Variants in UQCR11 observed in about 807,000 individuals in gnomAD.
UQCR11 encodes ubiquinol-cytochrome c reductase, complex III subunit XI.
In UQCR11, 10 loss-of-function variants were observed where a neutral mutation model predicts 7.6. The observed-to-expected ratio is 1.31, with a 90% confidence interval of 0.81 to 2.22. The LOEUF (loss-of-function observed/expected upper bound fraction) is 2.22. Ranked by LOEUF, UQCR11 falls within the 30% of genes most tolerant of loss-of-function variation. The pLI, the probability that UQCR11 is intolerant of heterozygous loss-of-function variation, is 0.00. For missense variants in UQCR11, 86 were observed against 75.1 expected (o/e 1.15, Z -0.54); for synonymous variants, 34 against 34.9 (o/e 0.97, Z 0.09).
intron 1 of UQCR11, among the ~76,000 whole-genome samples, chr19:1,603,601 C>T (rs777900769): frequency 5.9e-5 from 9 of 152,116 alleles, no homozygotes; most frequent in African/African-American, 9.6e-5. Flanking sequence ...AGCAAGACTC[C>T]GTCTCTAAAT....
chr19:1,603,581 G>A (rs978335675), intron 1 of UQCR11, among the ~76,000 whole-genome samples: 8 of 152,182 alleles, frequency 5.3e-5, no homozygotes, highest in South Asian at 2.1e-4. Context: ...CACTCCAGCC[G>A]GGGCGACAGA....
intron 2 of UQCR11, chr19:1,599,005 G>A (rs1049834076): frequency 3.4e-5 from 6 of 178,514 alleles, no homozygotes; most frequent in Admixed American, 1.1e-4. Context: ...AGAAACACGT[G>A]GATGCGTCCA....
intron 1 of UQCR11, among the ~76,000 whole-genome samples, chr19:1,601,564 G>T (rs2060747139): frequency 7.1e-6 from 1 of 141,282 alleles, no homozygotes; most frequent in Admixed American, 7.6e-5. Context: ...TCATGCCATT[G>T]TACTCCAGCC....
intron 2 of UQCR11, 192 bp downstream of exon 2, chr19:1,599,220 G>T: frequency 1.5e-6 from 1 of 648,662 alleles, no homozygotes; most frequent in Non-Finnish European, 2.5e-6. Flanking sequence ...ACCCAAGGCT[G>T]CGGGGCGGAC....
In UQCR11 at chr19:1,597,363, G is replaced by A. The variant is rs1406491244; in HGVS notation, c.*881C>T. On this transcript the variant is annotated 3_prime_UTR_variant, in exon 3 of 3. Transcript: ENST00000591899. The stretch of plus-strand genomic sequence containing the variant: ...TCATTTTTGTATCCCTAATGTGACA[G>A]TTTGAAATGTCTACCAATTCTGATA... 2 of 152,132 alleles carry A rather than the reference G, an allele frequency of 1.3e-5. No homozygotes were observed. The highest frequency in any genetic ancestry group is 2.9e-5 in the Non-Finnish European group (2 of 68,034). 9.4% of individuals were successfully genotyped at this position (152,132 alleles called of 1,614,324 possible).
At position 1,599,411 on chromosome 19, in the gene UQCR11, C is replaced by T. The variant is rs2060740482; in HGVS notation, c.*28+1G>A. The T allele has an allele frequency of 6.2e-7, 1 of 1,612,478 alleles. No homozygotes were observed. Among genetic ancestry groups the T allele is most frequent in the Non-Finnish European group, 8.5e-7 (1 of 1,179,558 alleles). On this transcript the variant is annotated splice_donor_variant, in intron 2 of 2. Transcript: ENST00000591899. LOFTEE classifies it low-confidence loss of function (3UTR_SPLICE). Reference sequence around the variant, plus strand: ...ACCCACCGCAGCCCACTGAAACTTACCAGAGCAGTCTGTGAAGGGTTTGTG... The same window carrying T: ...ACCCACCGCAGCCCACTGAAACTTATCAGAGCAGTCTGTGAAGGGTTTGTG...
Position 1,605,427 on chromosome 19 carries a change from C to T in UQCR11, c.-18G>A. On this transcript the variant is annotated 5_prime_UTR_variant, in exon 1 of 3. Coordinates refer to ENST00000591899, the MANE Select transcript of UQCR11 (RefSeq NM_006830.4). The stretch of plus-strand genomic sequence containing the variant: ...GTCACCATCGCGGCGGAGTCGCACC[C>T]TCAGGATGACCCTGTCCAGCTGACC... 1 of 1,553,546 alleles carries T rather than the reference C, an allele frequency of 6.4e-7. No homozygotes were observed. The highest frequency in any genetic ancestry group is 1.9e-5 in the Admixed American group (1 of 51,284).
chr19:1,600,413 C>G (rs1164749222), intron 1 of UQCR11, among the ~76,000 whole-genome samples: 1 of 152,092 alleles, frequency 6.6e-6, no homozygotes, highest in East Asian at 1.9e-4. Flanking sequence ...TGGGGTTTCA[C>G]CGTGTTAGCC....
At chr19:1,599,881 G>A (rs982099678) in intron 1 of UQCR11, among the ~76,000 whole-genome samples, 2 of 152,276 alleles carry the variant, frequency 1.3e-5, no homozygotes, top group African/African-American at 4.8e-5. Flanking sequence ...GCAGTCTGCA[G>A]AAATTCATCC....
At chr19:1,601,260 C>T (rs1326358070) in intron 1 of UQCR11, among the ~76,000 whole-genome samples, 2 of 151,778 alleles carry the variant, frequency 1.3e-5, no homozygotes, top group African/African-American at 2.4e-5. Context: ...TGTGAGATGC[C>T]CTATGAAGGG....
intron 1 of UQCR11, among the ~76,000 whole-genome samples, chr19:1,600,546 G>T (rs2060744422): frequency 6.6e-6 from 1 of 152,280 alleles, no homozygotes; most frequent in South Asian, 2.1e-4. Flanking sequence ...AACGCAGCAT[G>T]AGCAATGGGG....
chr19:1,599,369 C>T (rs758930668), intron 2 of UQCR11, 43 bp downstream of exon 2: 52 of 1,596,050 alleles, frequency 3.3e-5, no homozygotes, highest in South Asian at 7.8e-5. Flanking sequence ...GGCCACCATC[C>T]GGCCATCATG....
At chr19:1,605,093 G>A (rs1023578479) in intron 1 of UQCR11, among the ~76,000 whole-genome samples, 2 of 152,364 alleles carry the variant, frequency 1.3e-5, no homozygotes, top group Non-Finnish European at 2.9e-5. Context: ...CGGATCCCCC[G>A]GTAGAGATGG....
intron 1 of UQCR11, among the ~76,000 whole-genome samples, chr19:1,601,070 G>A (rs1392022913): frequency 1.3e-5 from 2 of 152,142 alleles, no homozygotes; most frequent in African/African-American, 4.8e-5. Flanking sequence ...TTGGGAGGCT[G>A]AGGCGGGAGA....
chr19:1,605,201 C>T (rs1307740609), intron 1 of UQCR11, among the ~76,000 whole-genome samples, 159 bp downstream of exon 1: 1 of 152,192 alleles, frequency 6.6e-6, no homozygotes, highest in Non-Finnish European at 1.5e-5. Flanking sequence ...CGCGCCGCTC[C>T]GCCTCTCGGC....
chr19:1,603,085 G>C lies in UQCR11; in HGVS notation c.50+2275C>G, dbSNP rs74503756. ...GAGACACAACCCCACAGTGCCTCCT[G>C]GGGATGAGACCCGCTCCCTAGCCTC... On this transcript the variant is annotated intron_variant, in intron 1 of 2. Coordinates refer to ENST00000591899, the MANE Select transcript of UQCR11 (RefSeq NM_006830.4). Among the ~76,000 whole-genome samples the C allele has an allele frequency of 7.7e-3, 1,166 of 152,310 alleles. 11 individuals carry two copies. The highest frequency in any genetic ancestry group is 0.044 in the South Asian group (211 of 4,832).
At chr19:1,604,579 G>C (rs1368750027) in intron 1 of UQCR11, among the ~76,000 whole-genome samples, 2 of 151,194 alleles carry the variant, frequency 1.3e-5, no homozygotes, top group Non-Finnish European at 3.0e-5. Context: ...CCAGGCTGGA[G>C]TGCAATGGCG....
Position 1,599,456 on chromosome 19 carries a change from A to T in UQCR11, c.155T>A (p.Phe52Tyr), listed in dbSNP as rs770532472. The T allele has an allele frequency of 6.2e-7, 1 of 1,613,724 alleles. No individual in the cohort carries two copies. The highest frequency in any genetic ancestry group is 8.5e-7 in the Non-Finnish European group (1 of 1,179,988). The change falls in exon 2 of 3, where the codon TTT becomes TAT. Residue 52 changes from phenylalanine to tyrosine, a missense_variant. By Grantham distance (22) the Phe-to-Tyr change is conservative. Coordinates refer to ENST00000591899, the MANE Select transcript of UQCR11 (RefSeq NM_006830.4). ...TTTGTGTAATTAATTATCCTTCTTA[A>T]ACTTGCCATTGATGTAAGGTACCCA... ...LDWVPYINGK[F>Y]KKDN
chr19:1,604,811 G>C (rs940829830), intron 1 of UQCR11, among the ~76,000 whole-genome samples: 4 of 152,216 alleles, frequency 2.6e-5, no homozygotes, highest in Non-Finnish European at 5.9e-5. Flanking sequence ...TCACAGGCGG[G>C]AGCCACCGCA....
Sources: gnomAD v4.1 joint callset for allele counts (sites outside exome capture counted in the v4.1 genomes callset) on GRCh38, gnomAD v4.1.1 for gene constraint, MANE v1.5 for transcripts, NCBI Gene and HGNC (gene_info 2026-07-23, HGNC 2026-07-21) for gene names.